RFX1: variants seen among roughly 807,000 people sequenced by gnomAD.
RFX1 encodes MHC class II regulatory factor RFX1.
Under a neutral mutation model 119.6 loss-of-function variants are expected in RFX1, and 42 were observed. The observed-to-expected ratio is 0.35, with a 90% CI of 0.27 to 0.45. The LOEUF (loss-of-function observed/expected upper bound fraction) is 0.45. Among genes scored for constraint, RFX1 ranks in the 20% least tolerant of loss-of-function variants. The pLI is 1.00. For missense variants in RFX1, 1,118 were observed against 1,368.1 expected (o/e 0.82, Z 2.88); for synonymous variants, 628 against 618.5 (o/e 1.02, Z -0.23).
At chr19:13,972,457 G>T (rs1974112604) in intron 9 of RFX1, among the ~76,000 whole-genome samples, 1 of 152,166 alleles carries the variant, frequency 6.6e-6, no homozygotes, top group Non-Finnish European at 1.5e-5. Context: ...GTCTCCCAAA[G>T]TCCTGGGATT....
chr19:13,983,995 G>A (rs1974518763), intron 2 of RFX1, among the ~76,000 whole-genome samples: 1 of 152,154 alleles, frequency 6.6e-6, no homozygotes, highest in Admixed American at 6.5e-5. Flanking sequence ...AGGTGCTGGG[G>A]CCACCTTCTC....
At chr19:14,003,707 A>T (rs2145649387) in intron 1 of RFX1, among the ~76,000 whole-genome samples, 1 of 152,256 alleles carries the variant, frequency 6.6e-6, no homozygotes, top group East Asian at 1.9e-4. Context: ...AGATGAAAGG[A>T]AGGGAAACTG....
At chr19:14,002,754 G>A (rs1975257666) in intron 1 of RFX1, among the ~76,000 whole-genome samples, 1 of 152,198 alleles carries the variant, frequency 6.6e-6, no homozygotes, top group Non-Finnish European at 1.5e-5. Context: ...TCTCGCCTAG[G>A]AAGACCACGT....
intron 1 of RFX1, among the ~76,000 whole-genome samples, chr19:14,003,829 A>G (rs1975290717): frequency 1.3e-5 from 2 of 152,122 alleles, no homozygotes; most frequent in African/African-American, 4.8e-5. Flanking sequence ...ATGACTCCTC[A>G]GGCCCTTCAT....
rs1286622242 is a variant in RFX1 at position 13,975,791 on chromosome 19, C to T, written c.929+2201G>A. 5.9e-5 allele frequency among the ~76,000 whole-genome samples: 9 copies of T among 152,332 alleles called. 1 individual carries two copies. In the East Asian group the frequency reaches 1.5e-3, roughly 26 times the overall value. On this transcript the variant is annotated intron_variant, in intron 8 of 20. Coordinates refer to ENST00000254325, the MANE Select transcript of RFX1 (RefSeq NM_002918.5). The stretch of plus-strand genomic sequence containing the variant: ...CAGAACAGGACCAGGGATGGAGGCC[C>T]AGGGGCTGTGGCTTTGGCCAGGGTG...
Position 13,979,545 on chromosome 19 carries a change from G to C in RFX1, c.739-3C>G. On this transcript the variant is annotated splice_region_variant and splice_polypyrimidine_tract_variant and intron_variant, in intron 6 of 20. Coordinates refer to ENST00000254325, the MANE Select transcript of RFX1 (RefSeq NM_002918.5). The stretch of plus-strand genomic sequence containing the variant: ...GGAGTGGCCTGGACCACAGATCTCT[G>C]GGAGGGGAAAGGCAACAATAAGATG... 6.3e-7 allele frequency: 1 copy of C among 1,580,870 alleles called. No homozygotes were observed. The highest frequency in any genetic ancestry group is 8.6e-7 in the Non-Finnish European group (1 of 1,161,382).
intron 2 of RFX1, among the ~76,000 whole-genome samples, chr19:13,987,238 G>A (rs1354969778): frequency 6.6e-6 from 1 of 152,122 alleles, no homozygotes; most frequent in Non-Finnish European, 1.5e-5. Context: ...CTTGGGTTCT[G>A]GGAGAGTCTG....
intron 1 of RFX1, among the ~76,000 whole-genome samples, chr19:13,998,882 C>G (rs1975120855): frequency 6.6e-6 from 1 of 152,180 alleles, no homozygotes; most frequent in African/African-American, 2.4e-5. Context: ...CTTACTGGCT[C>G]TTTCTCCTCC....
intron 1 of RFX1, among the ~76,000 whole-genome samples, chr19:14,000,140 C>T (rs1032808001): frequency 3.9e-5 from 6 of 152,192 alleles, no homozygotes; most frequent in African/African-American, 1.4e-4. Context: ...GTGTGTTTCT[C>T]TCATCCTCTA....
intron 2 of RFX1, among the ~76,000 whole-genome samples, chr19:13,987,762 G>A (rs569748440): frequency 5.3e-5 from 8 of 152,318 alleles, no homozygotes; most frequent in Admixed American, 2.6e-4. Flanking sequence ...AGAATGTGGA[G>A]TGGCAGGGAA....
At chr19:13,972,637 C>T in intron 9 of RFX1, 106 bp downstream of exon 9, 11 of 806,434 alleles carry the variant, frequency 1.4e-5, no homozygotes, top group Non-Finnish European at 2.1e-5. Context: ...GGGGGCCACA[C>T]AGGCTCCTGC....
intron 16 of RFX1, among the ~76,000 whole-genome samples, chr19:13,964,780 C>T (rs963802432): frequency 2.6e-5 from 4 of 152,214 alleles, no homozygotes; most frequent in African/African-American, 9.6e-5. Flanking sequence ...TACGCCCGGC[C>T]TCATTTTCTT....
chr19:14,001,930 G>A (rs1975229827), intron 1 of RFX1, among the ~76,000 whole-genome samples: 1 of 152,044 alleles, frequency 6.6e-6, no homozygotes, highest in African/African-American at 2.4e-5. Context: ...GAGGTCAGGA[G>A]TTCGACACCA....
At chr19:13,984,283 T>C (rs1974527770) in intron 2 of RFX1, among the ~76,000 whole-genome samples, 1 of 131,864 alleles carries the variant, frequency 7.6e-6, no homozygotes, top group African/African-American at 2.9e-5. Flanking sequence ...TCTTTGCTCC[T>C]TGCCTGCCTC....
rs767543861 is a variant in RFX1, at chr19:13,965,412, C to A, written c.2211+37G>T. Reference sequence around the variant, plus strand: ...AGCAGAGGAGACGGAGGCCTAAGCCCCAGAGATAGGAGAAAGGGACCCCCT... The same window carrying A: ...AGCAGAGGAGACGGAGGCCTAAGCCACAGAGATAGGAGAAAGGGACCCCCT... On this transcript the variant is annotated intron_variant, in intron 16 of 20. Coordinates refer to ENST00000254325, the MANE Select transcript of RFX1 (RefSeq NM_002918.5). The surrounding 1 kb of genome is among the most constrained non-coding windows in gnomAD (Gnocchi z 4.7). 2 of 1,582,896 alleles carry A rather than the reference C, an allele frequency of 1.3e-6. No homozygotes were observed. The highest frequency in any genetic ancestry group is 1.7e-5 in the Admixed American group (1 of 59,582).
At chr19:13,982,767 G>A (rs890686211) in intron 4 of RFX1, among the ~76,000 whole-genome samples, 1 of 152,210 alleles carries the variant, frequency 6.6e-6, no homozygotes, top group Admixed American at 6.5e-5. Flanking sequence ...TCGAGCCATT[G>A]TAAAACCCAA....
chr19:13,991,652 T>C (rs1974805330), intron 2 of RFX1, among the ~76,000 whole-genome samples: 4 of 152,070 alleles, frequency 2.6e-5, no homozygotes, highest in South Asian at 2.1e-4. Flanking sequence ...ACGGGGCCAA[T>C]TGCTACACTT....
intron 3 of RFX1, 55 bp downstream of exon 3, chr19:13,983,431 C>T: frequency 7.1e-7 from 1 of 1,408,534 alleles, no homozygotes; most frequent in South Asian, 1.2e-5. Context: ...AGGACGCAGC[C>T]TGCACTGCCC....
At chr19:13,974,302 C>T (rs1974185356) in intron 8 of RFX1, among the ~76,000 whole-genome samples, 1 of 152,164 alleles carries the variant, frequency 6.6e-6, no homozygotes, top group Admixed American at 6.6e-5. Flanking sequence ...ATATGTTTCC[C>T]CTGAGCCAAG....
Sources: gnomAD v4.1 joint callset for allele counts (sites outside exome capture counted in the v4.1 genomes callset) on GRCh38, gnomAD v4.1.1 for gene constraint, Gnocchi (gnomAD v3.1) non-coding constraint, MANE v1.5 for transcripts, NCBI Gene and HGNC (gene_info 2026-07-23, HGNC 2026-07-21) for gene names.